The following ZFP1 variants were observed in gnomAD, a reference collection of about 807,000 sequenced individuals.
ZFP1 encodes zinc finger protein 1 homolog.
Under a neutral mutation model 38.5 loss-of-function variants are expected in ZFP1, and 32 were observed. That is an observed-to-expected ratio of 0.83 (90% CI 0.63 to 1.12). The LOEUF (loss-of-function observed/expected upper bound fraction) is 1.12. Among genes scored for constraint, ZFP1 ranks in the 50% most tolerant of loss-of-function variants. ZFP1 has a pLI of 0.00. For missense variants in ZFP1, 616 were observed against 480.8 expected, an observed-to-expected ratio of 1.28 and a Z score of -2.63; for synonymous variants, 245 against 168.8, an observed-to-expected ratio of 1.45 and a Z score of -3.50.
chr16:75,146,295 C>T (rs530663806), upstream of ZFP1, among the ~76,000 whole-genome samples: 1 of 151,826 alleles, frequency 6.6e-6, no homozygotes, highest in African/African-American at 2.4e-5. Flanking sequence ...CCCAAGTAGC[C>T]GAGGCTACAG....
rs185194029 is a variant in ZFP1, at chr16:75,166,663, G to A, written c.16-107G>A. 107 of 1,574,786 alleles carry A rather than the reference G, an allele frequency of 6.8e-5. 1 individual carries two copies. In the African/African-American group the frequency reaches 9.9e-4, roughly 15 times the overall value. On this transcript the variant is annotated intron_variant, in intron 2 of 3. Transcript: ENST00000570010. ...ACAAAAACAGTGAACAAGATGTATC[G>A]TTGGTGTAATATATAGATTTTCATG...
rs34686066 is a variant in ZFP1, at chr16:75,158,631, ATTT to A, written c.15+5679_15+5681del. 1.7e-3 allele frequency among the ~76,000 whole-genome samples: 245 copies of A among 142,160 alleles called. 2 individuals are homozygous for A. The highest frequency in any genetic ancestry group is 7.1e-3 in the Middle Eastern group (2 of 282). 93.3% of individuals were successfully genotyped at this position (142,160 alleles called of 152,430 possible). On this transcript the variant is annotated intron_variant, in intron 2 of 3. Coordinates refer to ENST00000570010, the MANE Select transcript of ZFP1 (RefSeq NM_153688.4). ...TAATTGGTTTATTATTTTATTTGTG[ATTT>A]TTTTTTTTTTTTTACAGGCATAGGT...
chr16:75,150,022 T>C (rs1041593313), intron 1 of ZFP1, among the ~76,000 whole-genome samples: 1 of 151,720 alleles, frequency 6.6e-6, no homozygotes, highest in Non-Finnish European at 1.5e-5. Context: ...TGACCTCAAG[T>C]GATTCTCCCG....
chr16:75,151,920 A>G (rs2037224522), intron 1 of ZFP1, among the ~76,000 whole-genome samples: 1 of 152,126 alleles, frequency 6.6e-6, no homozygotes, highest in Non-Finnish European at 1.5e-5. Context: ...AAGGTTTTTT[A>G]CTTCATTATC....
At position 75,169,372 on chromosome 16, in the gene ZFP1, A is replaced by G. The variant is rs774014568; in HGVS notation, c.262A>G (p.Lys88Glu). 6.2e-6 allele frequency: 10 copies of G among 1,614,084 alleles called. No individual in the cohort carries two copies. Among genetic ancestry groups the G allele is most frequent in the Admixed American group, 3.3e-5 (2 of 60,004 alleles). ...TGAGGAAAGAGGCGATCTCTTTGGAAAAGCACTTAATCTGAACACAGACTT... is the reference window on the plus strand; with the variant it reads ...TGAGGAAAGAGGCGATCTCTTTGGAGAAGCACTTAATCTGAACACAGACTT... ...PIEERGDLFG[K>E]ALNLNTDFVS... Residue 88 changes from lysine (K) to glutamate (E), a missense_variant, in exon 4 of 4, where the codon AAA (lysine) becomes GAA (glutamate). Lys to Glu is a moderately conservative substitution (Grantham distance 56). Coordinates refer to ENST00000570010, the MANE Select transcript of ZFP1 (RefSeq NM_153688.4).
chr16:75,169,623 T>TA lies in ZFP1; in HGVS notation c.513_514insA (p.Phe172IlefsTer2), dbSNP rs746861186. 3 of 1,592,620 alleles carry TA rather than the reference T, an allele frequency of 1.9e-6. No individual in the cohort carries two copies. The highest frequency in any genetic ancestry group is 2.6e-6 in the Non-Finnish European group (3 of 1,173,982). ...AAGCCCTCAGCCATAAAGCAGCCAT[T>TA]TTTAAACATCAGAAAATAAAAAACT... On this transcript the variant is annotated frameshift_variant, in exon 4 of 4. Transcript: ENST00000570010. LOFTEE classifies it high-confidence loss of function.
At chr16:75,162,525 T>C (rs761890935) in intron 2 of ZFP1, among the ~76,000 whole-genome samples, 7 of 152,244 alleles carry the variant, frequency 4.6e-5, no homozygotes, top group Non-Finnish European at 1.0e-4. Context: ...TTTTTAAATA[T>C]AATTTCAACT....
chr16:75,167,470 T>C (rs1030280043), intron 3 of ZFP1, among the ~76,000 whole-genome samples: 6 of 152,026 alleles, frequency 3.9e-5, no homozygotes, highest in Non-Finnish European at 8.8e-5. Flanking sequence ...CTAACATATC[T>C]TAAACTTTGT....
Position 75,170,450 on chromosome 16 carries a change from C to A in ZFP1, c.*116C>A. On this transcript the variant is annotated 3_prime_UTR_variant, in exon 4 of 4. Coordinates refer to ENST00000570010, the MANE Select transcript of ZFP1 (RefSeq NM_153688.4). ...TTCATACTGAGATGCAATCTCTCAA[C>A]TCAAAAATGTATTAAAAATAGGATC... 20 of 1,359,228 alleles carry A rather than the reference C, an allele frequency of 1.5e-5. No homozygotes were observed. Among genetic ancestry groups the A allele is most frequent in the Non-Finnish European group, 1.7e-5 (18 of 1,039,354 alleles). 84.2% of individuals were successfully genotyped at this position (1,359,228 alleles called of 1,614,324 possible).
At chr16:75,139,639 A>G in the ZFP1 span, among the ~76,000 whole-genome samples, 1 of 152,116 alleles carries the variant, frequency 6.6e-6, no homozygotes, top group Non-Finnish European at 1.5e-5. Flanking sequence ...CTGGGATTAC[A>G]GGCATGAGCT....
chr16:75,134,556 A>ACCAT, the ZFP1 span, among the ~76,000 whole-genome samples: 2 of 151,102 alleles, frequency 1.3e-5, no homozygotes, highest in African/African-American at 2.4e-5. Flanking sequence ...GGAGATCGAG[A>ACCAT]CCTGGCTAAC....
At chr16:75,130,568 A>C in the ZFP1 span, among the ~76,000 whole-genome samples, 164 of 152,172 alleles carry the variant, frequency 1.1e-3, 1 homozygote, top group African/African-American at 3.9e-3. Context: ...CCAACTCCTG[A>C]GATCTTATTG....
chr16:75,145,352 C>T (rs1271227317), upstream of ZFP1, among the ~76,000 whole-genome samples: 11 of 152,324 alleles, frequency 7.2e-5, 1 homozygote, highest in African/African-American at 2.6e-4. Context: ...CTTTGGAAGA[C>T]AGTGTTGGCA....
chr16:75,137,421 G>A, the ZFP1 span, among the ~76,000 whole-genome samples: 1 of 148,004 alleles, frequency 6.8e-6, no homozygotes, highest in Non-Finnish European at 1.5e-5. Flanking sequence ...AGACCAGCAT[G>A]GTCAACAGGG....
chr16:75,164,692 A>G (rs1567536178), intron 2 of ZFP1, among the ~76,000 whole-genome samples: 1 of 152,146 alleles, frequency 6.6e-6, no homozygotes, highest in Non-Finnish European at 1.5e-5. Flanking sequence ...TATGTGACCC[A>G]CAAGCTAAGA....
chr16:75,146,805 C>A (rs969715688), upstream of ZFP1, among the ~76,000 whole-genome samples: 15 of 151,866 alleles, frequency 9.9e-5, no homozygotes, highest in African/African-American at 3.6e-4. Context: ...CCAGGCATGG[C>A]TGTGTATGCC....
At chr16:75,146,187 G>C (rs1437137161), upstream of ZFP1, among the ~76,000 whole-genome samples, 1 of 151,100 alleles carries the variant, frequency 6.6e-6, no homozygotes, top group African/African-American at 2.4e-5. Flanking sequence ...TTTGGAGACG[G>C]GGTCTCGCTC....
the ZFP1 span, among the ~76,000 whole-genome samples, chr16:75,142,014 A>G: frequency 2.7e-5 from 4 of 149,208 alleles, no homozygotes; most frequent in Admixed American, 2.7e-4. Context: ...AGATCGCGCC[A>G]CTGCACTCCA....
At chr16:75,143,451 G>A in the ZFP1 span, among the ~76,000 whole-genome samples, 3 of 151,888 alleles carry the variant, frequency 2.0e-5, no homozygotes, top group Non-Finnish European at 4.4e-5. Flanking sequence ...TCAATATGTT[G>A]GCCAGGCTGG....
Sources: gnomAD v4.1 joint callset for allele counts (sites outside exome capture counted in the v4.1 genomes callset) on GRCh38, gnomAD v4.1.1 for gene constraint, MANE v1.5 for transcripts, NCBI Gene and HGNC (gene_info 2026-07-23, HGNC 2026-07-21) for gene names.